CHRM3: variants seen among roughly 807,000 people sequenced by gnomAD.
CHRM3 encodes the protein cholinergic receptor muscarinic 3, also known as muscarinic acetylcholine receptor M3.
CHRM3 carries 11 observed loss-of-function variants against 41.8 expected under a neutral mutation model. That is an observed-to-expected ratio of 0.26 (90% CI 0.17 to 0.44). The LOEUF (loss-of-function observed/expected upper bound fraction) is 0.44. Ranked by LOEUF, CHRM3 falls within the 20% of genes least tolerant of loss-of-function variation. The probability of loss-of-function intolerance (pLI) is 1.00; values close to 1 mark genes in which losing one functional copy is unlikely to be tolerated. For missense variants in CHRM3, 571 were observed against 745.4 expected (o/e 0.77, Z 2.72); for synonymous variants, 297 against 301.4 (o/e 0.99, Z 0.15).
chr1:239,453,438 A>G (rs1289474027), intron 1 of CHRM3, among the ~76,000 whole-genome samples: 2 of 152,302 alleles, frequency 1.3e-5, no homozygotes, highest in Admixed American at 6.5e-5. Flanking sequence ...ATATGGTTTC[A>G]TCTAAATGGA....
At chr1:239,576,512 G>A (rs1029188508) in intron 3 of CHRM3, among the ~76,000 whole-genome samples, 2 of 151,606 alleles carry the variant, frequency 1.3e-5, no homozygotes, top group Non-Finnish European at 2.9e-5. Flanking sequence ...GGAGGCCAAG[G>A]CAGGAGTATT....
intron 4 of CHRM3, among the ~76,000 whole-genome samples, chr1:239,648,367 C>A (rs1267278769): frequency 2.0e-5 from 3 of 152,168 alleles, no homozygotes; most frequent in Non-Finnish European, 4.4e-5. Context: ...CCATTGTGCA[C>A]ACATCTTTAT....
intron 6 of CHRM3, among the ~76,000 whole-genome samples, chr1:239,840,839 G>C (rs1673737944): frequency 6.6e-6 from 1 of 152,160 alleles, no homozygotes; most frequent in Non-Finnish European, 1.5e-5. Flanking sequence ...TTGTAGAATG[G>C]TATTCGGAAA....
In CHRM3 at chr1:239,749,414, A is replaced by ATC. The variant is rs1182508903; in HGVS notation, c.-147+71127_-147+71128dup. 3.3e-5 allele frequency among the ~76,000 whole-genome samples: 5 copies of ATC among 152,278 alleles called. No homozygotes were observed. In the East Asian group the frequency reaches 7.7e-4, roughly 24 times the overall value. ...TGGGCACGAGTGGCTCATGCCTGTA[A>ATC]TCCCAGCACTTTGGGAGGCCAAGGT... is the stretch of plus-strand genomic sequence containing the variant. On this transcript the variant is annotated intron_variant, in intron 5 of 6. Transcript: ENST00000676153.
chr1:239,778,682 C>T (rs768110711), intron 5 of CHRM3, among the ~76,000 whole-genome samples: 1 of 152,114 alleles, frequency 6.6e-6, no homozygotes, highest in Non-Finnish European at 1.5e-5. Context: ...GATTGTGAAC[C>T]CGTTGGTTCG....
intron 1 of CHRM3, among the ~76,000 whole-genome samples, chr1:239,427,554 G>A (rs902530576): frequency 1.3e-5 from 2 of 151,992 alleles, no homozygotes; most frequent in African/African-American, 4.8e-5. Context: ...TCTTCCCCCA[G>A]TTGGCCAAAT....
At chr1:239,812,961 TG>T (rs1383722392) in intron 5 of CHRM3, among the ~76,000 whole-genome samples, 1 of 152,196 alleles carries the variant, frequency 6.6e-6, no homozygotes, top group Non-Finnish European at 1.5e-5. Flanking sequence ...TGCAGAAAGC[TG>T]GTTCCATGAA....
At chr1:239,653,124 G>A (rs897184513) in intron 4 of CHRM3, among the ~76,000 whole-genome samples, 11 of 152,144 alleles carry the variant, frequency 7.2e-5, no homozygotes, top group African/African-American at 1.7e-4. Context: ...ATAGAACTGG[G>A]ATCAATTCCA....
At chr1:239,586,868 G>A (rs552523583) in intron 3 of CHRM3, among the ~76,000 whole-genome samples, 2 of 152,210 alleles carry the variant, frequency 1.3e-5, no homozygotes, top group East Asian at 3.9e-4. Flanking sequence ...GATTCTGTCT[G>A]GTAGAGACCA....
intron 5 of CHRM3, among the ~76,000 whole-genome samples, chr1:239,770,879 G>C (rs1667605102): frequency 6.6e-6 from 1 of 152,098 alleles, no homozygotes; most frequent in Middle Eastern, 3.2e-3. Flanking sequence ...TTGAGGTCAG[G>C]AGTTTGAGAC....
chr1:239,664,374 T>C (rs1278633411), intron 4 of CHRM3, among the ~76,000 whole-genome samples: 1 of 152,200 alleles, frequency 6.6e-6, no homozygotes, highest in Non-Finnish European at 1.5e-5. Context: ...TGTGGCATGG[T>C]TCTTTGTGCT....
intron 1 of CHRM3, among the ~76,000 whole-genome samples, chr1:239,463,240 G>A (rs917501129): frequency 1.3e-5 from 2 of 152,120 alleles, no homozygotes; most frequent in African/African-American, 2.4e-5. Context: ...GGAATTGTAT[G>A]AGGCATTATT....
In CHRM3 at chr1:239,405,403, T is replaced by G. The variant is rs534269942; in HGVS notation, c.-521+18176T>G. On this transcript the variant is annotated intron_variant, in intron 1 of 6. Transcript: ENST00000676153. ...AATAAGCAGGACAAGACGCTGCCTT[T>G]GTGGGTTTACGTCTTTGTGAAAATC... Among the ~76,000 whole-genome samples, 7 of 152,272 alleles carry G rather than the reference T, an allele frequency of 4.6e-5. No individual in the cohort carries two copies. The South Asian group carries it at 1.5e-3, about 32-fold the overall frequency.
intron 5 of CHRM3, among the ~76,000 whole-genome samples, chr1:239,769,682 G>A (rs1384424141): frequency 2.1e-5 from 3 of 140,598 alleles, no homozygotes; most frequent in Non-Finnish European, 4.6e-5. Context: ...AGGAGTTCAG[G>A]GCCAGCCTGA....
intron 1 of CHRM3, among the ~76,000 whole-genome samples, chr1:239,395,842 G>C (rs1178029902): frequency 1.3e-5 from 2 of 152,142 alleles, no homozygotes; most frequent in Non-Finnish European, 2.9e-5. Flanking sequence ...TGTTATTGAG[G>C]ACCAAATGTG....
At chr1:239,632,185 T>C (rs1343974399) in intron 3 of CHRM3, 39 bp from the exon 4 acceptor site, 1 of 152,252 alleles carries the variant, frequency 6.6e-6, no homozygotes, top group African/African-American at 2.4e-5. Context: ...GGTTATTTGT[T>C]AATCCCATAT....
Position 239,874,285 on chromosome 1 carries a change from G to GTA in CHRM3, c.-19-33107_-19-33106dup, listed in dbSNP as rs758413973. ...AGACCTATATATATCTATATACACA[G>GTA]TATATATATATATATATATATATAT... On this transcript the variant is annotated intron_variant, in intron 6 of 6. Coordinates refer to ENST00000676153, the MANE Select transcript of CHRM3 (RefSeq NM_001375978.1). 5.5e-3 allele frequency among the ~76,000 whole-genome samples: 461 copies of GTA among 83,122 alleles called. 13 individuals carry two copies. The highest frequency in any genetic ancestry group is 0.024 in the African/African-American group (392 of 16,318). The allele number at this position is 83,122 out of a possible 152,430, so 54.5% of individuals were successfully genotyped here.
chr1:239,405,739 GA>G (rs571363759), intron 1 of CHRM3, among the ~76,000 whole-genome samples: 11 of 151,210 alleles, frequency 7.3e-5, no homozygotes, highest in African/African-American at 2.4e-4. Flanking sequence ...CTCTTGATGT[GA>G]AAAAAAAATG....
chr1:239,830,421 C>T (rs1672799451), intron 6 of CHRM3, among the ~76,000 whole-genome samples: 1 of 152,150 alleles, frequency 6.6e-6, no homozygotes, highest in Non-Finnish European at 1.5e-5. Flanking sequence ...GAGTTGCTTA[C>T]TGCTTGGCAC....
Sources: gnomAD v4.1 joint callset for allele counts (sites outside exome capture counted in the v4.1 genomes callset) on GRCh38, gnomAD v4.1.1 for gene constraint, MANE v1.5 for transcripts, NCBI Gene and HGNC (gene_info 2026-07-23, HGNC 2026-07-21) for gene names.